TANC1: variants seen among roughly 807,000 people sequenced by gnomAD.
TANC1 encodes protein TANC1.
A neutral mutation model predicts 149.7 loss-of-function variants in TANC1; 77 were observed. The observed-to-expected ratio is 0.51, with a 90% CI of 0.43 to 0.62. The LOEUF is 0.62. TANC1 is among the 20% of genes least tolerant of loss of function. The pLI, the probability that TANC1 is intolerant of heterozygous loss-of-function variation, is 0.00. For synonymous variants in TANC1, 854 were observed against 925.0 expected (o/e 0.92, Z 1.39); for missense variants, 1,985 against 2,321.8 (o/e 0.85, Z 2.98).
At chr2:158,981,542 T>TATATATATATAA (rs1559096565) in intron 1 of TANC1, among the ~76,000 whole-genome samples, 1 of 88,382 alleles carries the variant, frequency 1.1e-5, no homozygotes, top group Non-Finnish European at 2.4e-5. Context: ...TATATATATA[T>TATATATATATAA]AAAGAAGTAA....
chr2:158,973,850 T>G (rs892030311), intron 1 of TANC1, among the ~76,000 whole-genome samples: 10 of 152,356 alleles, frequency 6.6e-5, no homozygotes, highest in African/African-American at 1.9e-4. Flanking sequence ...TCTGTGGGAC[T>G]CTGAATTGCT....
At chr2:159,208,084 T>C (rs2058747783) in intron 19 of TANC1, among the ~76,000 whole-genome samples, 4 of 152,224 alleles carry the variant, frequency 2.6e-5, no homozygotes, top group Admixed American at 2.0e-4. Context: ...CTCAGTAACA[T>C]GGGCATCATC....
chr2:159,143,936 G>A (rs2051754846), intron 5 of TANC1, among the ~76,000 whole-genome samples: 1 of 151,178 alleles, frequency 6.6e-6, no homozygotes, highest in Non-Finnish European at 1.5e-5. Flanking sequence ...ACATTAAAAT[G>A]AACTAACATA....
chr2:159,022,039 G>A (rs2038870625), intron 2 of TANC1, among the ~76,000 whole-genome samples: 1 of 152,086 alleles, frequency 6.6e-6, no homozygotes, highest in Admixed American at 6.5e-5. Flanking sequence ...CAGAACTGTG[G>A]AAAAAAAGAG....
chr2:159,197,603 A>AC (rs1272393472), intron 18 of TANC1, among the ~76,000 whole-genome samples: 4 of 142,354 alleles, frequency 2.8e-5, no homozygotes, highest in African/African-American at 1.0e-4. Flanking sequence ...TTTAAACATT[A>AC]AACACACACA....
intron 14 of TANC1, among the ~76,000 whole-genome samples, chr2:159,179,976 G>A (rs1478501289): frequency 2.6e-5 from 4 of 152,200 alleles, no homozygotes; most frequent in African/African-American, 9.7e-5. Flanking sequence ...ATTGCCCCCT[G>A]CTGTAGTAAC....
rs989130892 is a variant in TANC1 at position 159,150,761 on chromosome 2, C to T, written c.682+205C>T. 1.3e-5 allele frequency: 6 copies of T among 475,844 alleles called. No individual in the cohort carries two copies. In the African/African-American group the frequency reaches 1.4e-4, roughly 11 times the overall value. 29.5% of individuals were successfully genotyped at this position (475,844 alleles called of 1,614,324 possible). On this transcript the variant is annotated intron_variant, in intron 7 of 26. Transcript: ENST00000263635. Reference sequence around the variant, plus strand: ...ACATTCCTTGATGTTTACTTTATAACAGTCAGCTCATTTGTTAAAAAAAAA... The same window carrying T: ...ACATTCCTTGATGTTTACTTTATAATAGTCAGCTCATTTGTTAAAAAAAAA...
At chr2:159,096,827 G>C (rs987154906) in intron 3 of TANC1, among the ~76,000 whole-genome samples, 2 of 152,162 alleles carry the variant, frequency 1.3e-5, no homozygotes, top group Admixed American at 6.5e-5. Flanking sequence ...TGGCGGGAAA[G>C]TTGTTGACTG....
chr2:159,111,857 G>A (rs1278307379), intron 4 of TANC1, among the ~76,000 whole-genome samples: 1 of 152,218 alleles, frequency 6.6e-6, no homozygotes, highest in Admixed American at 6.5e-5. Flanking sequence ...GTTTCACCAG[G>A]ACTTTGGATG....
Position 158,983,411 on chromosome 2 carries a change from GA to G in TANC1, c.-126+14630del, listed in dbSNP as rs1179638600. Among the ~76,000 whole-genome samples, 3 of 143,656 alleles carry G rather than the reference GA, an allele frequency of 2.1e-5. No homozygotes were observed. In the Admixed American group the frequency reaches 2.2e-4, roughly 11 times the overall value. The allele number at this position is 143,656 out of a possible 152,430, so 94.2% of individuals were successfully genotyped here. On this transcript the variant is annotated intron_variant, in intron 1 of 26. Transcript: ENST00000263635. ...GAACCCGGGAGGCGGAGCTTGCAAT[GA>G]GCCGAGATCGCGCCACTGCACTCCA...
intron 16 of TANC1, among the ~76,000 whole-genome samples, chr2:159,187,936 A>G (rs1232203354): frequency 6.6e-6 from 1 of 152,264 alleles, no homozygotes; most frequent in Non-Finnish European, 1.5e-5. Flanking sequence ...TCTGTTGAGT[A>G]CAAGTTTTTA....
intron 2 of TANC1, among the ~76,000 whole-genome samples, chr2:159,012,036 C>T (rs749661264): frequency 1.4e-4 from 21 of 152,078 alleles, no homozygotes; most frequent in Non-Finnish European, 2.4e-4. Context: ...AGTGACAGGC[C>T]AGAAGAGGAG....
At chr2:159,161,859 T>C (rs991183120) in intron 7 of TANC1, among the ~76,000 whole-genome samples, 3 of 152,216 alleles carry the variant, frequency 2.0e-5, no homozygotes, top group Admixed American at 1.3e-4. Flanking sequence ...TGACCACAAA[T>C]GGAATTGAAG....
chr2:158,973,903 G>A (rs1573897074), intron 1 of TANC1, among the ~76,000 whole-genome samples: 1 of 152,142 alleles, frequency 6.6e-6, no homozygotes, highest in African/African-American at 2.4e-5. Context: ...TGCTAAAAAC[G>A]TAAGAGTTGG....
intron 2 of TANC1, among the ~76,000 whole-genome samples, chr2:159,022,622 G>A (rs1447419353): frequency 1.3e-5 from 2 of 152,168 alleles, no homozygotes; most frequent in East Asian, 1.9e-4. Flanking sequence ...GCGCATGCCT[G>A]TTGTCCTCGG....
chr2:158,983,816 G>A (rs1202229140), intron 1 of TANC1, among the ~76,000 whole-genome samples: 3 of 152,200 alleles, frequency 2.0e-5, no homozygotes. Context: ...GAGAAATGGG[G>A]ATTCTCCTTA....
At chr2:159,042,897 A>G (rs1219416532) in intron 2 of TANC1, among the ~76,000 whole-genome samples, 1 of 152,054 alleles carries the variant, frequency 6.6e-6, no homozygotes, top group South Asian at 2.1e-4. Context: ...GGTTTGAGAG[A>G]GGTTCTTGGC....
chr2:159,056,092 T>C, intron 2 of TANC1: 1 of 291,526 alleles, frequency 3.4e-6, no homozygotes, highest in Non-Finnish European at 6.9e-6. Context: ...CTCCAAAGCC[T>C]CAACGGCACA....
chr2:159,009,489 A>G (rs1298018570), intron 2 of TANC1, among the ~76,000 whole-genome samples: 1 of 152,214 alleles, frequency 6.6e-6, no homozygotes, highest in Non-Finnish European at 1.5e-5. Context: ...GAAATAAGCC[A>G]GGCACAGAAA....
Sources: allele counts gnomAD v4.1 joint callset (sites outside exome capture counted in the v4.1 genomes callset), GRCh38; gene constraint gnomAD v4.1.1; transcripts MANE v1.5; gene names NCBI Gene and HGNC (gene_info 2026-07-23, HGNC 2026-07-21).